The following UST variants were observed in gnomAD, a reference collection of about 807,000 sequenced individuals.
The protein encoded by UST is chondroitin sulfate 2-O-sulfotransferase.
A neutral mutation model predicts 45.6 loss-of-function variants in UST; 21 were observed. The observed-to-expected ratio is 0.46, with a 90% CI of 0.33 to 0.66. The LOEUF is 0.66. Ranked by LOEUF, UST falls within the 30% of genes least tolerant of loss-of-function variation. The pLI is 0.02. For synonymous variants in UST, 215 were observed against 200.6 expected, an observed-to-expected ratio of 1.07 and a Z score of -0.61; for missense variants, 463 against 512.4, an observed-to-expected ratio of 0.90 and a Z score of 0.93.
At chr6:148,945,688 C>T (rs536907230) in intron 3 of UST, among the ~76,000 whole-genome samples, 10 of 152,174 alleles carry the variant, frequency 6.6e-5, no homozygotes, top group African/African-American at 1.4e-4. Flanking sequence ...TTGAAGACTT[C>T]GAAAATTAAA....
chr6:148,972,918 T>C (rs900311), intron 5 of UST, among the ~76,000 whole-genome samples: 151,333 of 151,976 alleles, frequency 1, 75,347 homozygotes, highest in Middle Eastern at 1. Context: ...GTGAGGCCAA[T>C]GTGTAGCTGA....
intron 1 of UST, among the ~76,000 whole-genome samples, chr6:148,785,127 G>T (rs563536285): frequency 7.9e-5 from 12 of 151,928 alleles, no homozygotes; most frequent in Non-Finnish European, 1.2e-4. Flanking sequence ...CTTGAGTCCG[G>T]GAGACAGAGG....
At chr6:148,963,512 T>C (rs1780713489) in intron 4 of UST, among the ~76,000 whole-genome samples, 1 of 152,264 alleles carries the variant, frequency 6.6e-6, no homozygotes, top group African/African-American at 2.4e-5. Context: ...CAAGATTTAG[T>C]GGATTCATCT....
intron 7 of UST, among the ~76,000 whole-genome samples, chr6:149,045,556 G>C (rs185661779): frequency 6.6e-6 from 1 of 152,154 alleles, no homozygotes; most frequent in Non-Finnish European, 1.5e-5. Flanking sequence ...GGTACCCTGC[G>C]GATCTCTAGG....
intron 1 of UST, among the ~76,000 whole-genome samples, chr6:148,881,446 G>A (rs1288386250): frequency 6.6e-6 from 1 of 152,144 alleles, no homozygotes; most frequent in Non-Finnish European, 1.5e-5. Flanking sequence ...AGAAAAAAAT[G>A]AACTGATTTA....
At chr6:149,026,887 G>A (rs1776058008) in intron 7 of UST, among the ~76,000 whole-genome samples, 1 of 152,086 alleles carries the variant, frequency 6.6e-6, no homozygotes, top group African/African-American at 2.4e-5. Context: ...CTAGACTTTT[G>A]TGGGCTGCCT....
chr6:149,036,730 G>A (rs1309775237), intron 7 of UST, among the ~76,000 whole-genome samples: 2 of 152,118 alleles, frequency 1.3e-5, no homozygotes. Flanking sequence ...TTATAGTACT[G>A]GTAAAATTTC....
At chr6:148,853,833 G>C (rs957973871) in intron 1 of UST, among the ~76,000 whole-genome samples, 1 of 152,022 alleles carries the variant, frequency 6.6e-6, no homozygotes, top group African/African-American at 2.4e-5. Context: ...AAAGCCATTT[G>C]TTCTTCAACA....
At chr6:148,946,207 G>T (rs961152239) in intron 3 of UST, among the ~76,000 whole-genome samples, 5 of 152,186 alleles carry the variant, frequency 3.3e-5, no homozygotes, top group Middle Eastern at 3.4e-3. Context: ...GGTTAATCGG[G>T]CCTCTGTTTA....
intron 1 of UST, among the ~76,000 whole-genome samples, chr6:148,788,989 A>G (rs1265040576): frequency 2.0e-5 from 3 of 152,202 alleles, no homozygotes. Flanking sequence ...TCCAGAGTCC[A>G]TGTAGCTACC....
At chr6:148,916,822 G>A (rs987060511) in intron 2 of UST, among the ~76,000 whole-genome samples, 58 of 152,200 alleles carry the variant, frequency 3.8e-4, no homozygotes, top group African/African-American at 1.2e-3. Flanking sequence ...TGTAACTTGC[G>A]CTGAGATGCA....
intron 1 of UST, among the ~76,000 whole-genome samples, chr6:148,767,152 G>A (rs1355514576): frequency 6.6e-6 from 1 of 152,142 alleles, no homozygotes; most frequent in Non-Finnish European, 1.5e-5. Context: ...AGCATTTCTG[G>A]GAAATAATGA....
At chr6:149,015,909 G>A (rs1287109009) in intron 5 of UST, among the ~76,000 whole-genome samples, 1 of 152,216 alleles carries the variant, frequency 6.6e-6, no homozygotes, top group Admixed American at 6.5e-5. Context: ...CTCACTGAAG[G>A]TCTCGGTTCT....
intron 1 of UST, among the ~76,000 whole-genome samples, chr6:148,870,441 C>T (rs570675873): frequency 6.6e-6 from 1 of 152,278 alleles, no homozygotes; most frequent in African/African-American, 2.4e-5. Context: ...AATGAGACTA[C>T]CTCTTCTGAT....
At chr6:148,779,609 T>C (rs1582806560) in intron 1 of UST, among the ~76,000 whole-genome samples, 2 of 152,064 alleles carry the variant, frequency 1.3e-5, no homozygotes, top group East Asian at 3.9e-4. Flanking sequence ...AAGGACAAAA[T>C]GAGATGTGAT....
intron 7 of UST, among the ~76,000 whole-genome samples, chr6:149,029,928 T>C (rs989602790): frequency 6.6e-6 from 1 of 150,822 alleles, no homozygotes; most frequent in African/African-American, 2.4e-5. Flanking sequence ...CACCTACCCA[T>C]GTTCAAACAA....
At chr6:148,951,449 A>G (rs1416465380) in intron 3 of UST, among the ~76,000 whole-genome samples, 1 of 152,184 alleles carries the variant, frequency 6.6e-6, no homozygotes, top group Non-Finnish European at 1.5e-5. Flanking sequence ...TAAGTACTCA[A>G]TGAATGATGA....
In UST at chr6:148,955,742, C is replaced by T. The variant is rs540555259; in HGVS notation, c.527+1791C>T. On this transcript the variant is annotated intron_variant, in intron 4 of 7. Transcript: ENST00000367463. Reference sequence around the variant, plus strand: ...CCTTGCTGTTCTAGCGCGTTTCCTTCTGAGTCACCCCTGACATCCTTAAAC... The same window carrying T: ...CCTTGCTGTTCTAGCGCGTTTCCTTTTGAGTCACCCCTGACATCCTTAAAC... 3 of 152,382 alleles carry T rather than the reference C, an allele frequency of 2.0e-5. No individual in the cohort carries two copies. The East Asian group carries it at 5.8e-4, about 29-fold the overall frequency. 9.4% of individuals were successfully genotyped at this position (152,382 alleles called of 1,614,324 possible).
At chr6:148,800,907 T>C (rs1777047657) in intron 1 of UST, among the ~76,000 whole-genome samples, 1 of 152,114 alleles carries the variant, frequency 6.6e-6, no homozygotes, top group Admixed American at 6.5e-5. Context: ...GCATCTATAT[T>C]TAAATTATCT....
Sources: gnomAD v4.1 joint callset for allele counts (sites outside exome capture counted in the v4.1 genomes callset) on GRCh38, gnomAD v4.1.1 for gene constraint, MANE v1.5 for transcripts, NCBI Gene and HGNC (gene_info 2026-07-23, HGNC 2026-07-21) for gene names.